Variants in TLL2 observed in about 807,000 individuals in gnomAD.
TLL2 encodes tolloid-like protein 2.
Under a neutral mutation model 123.0 loss-of-function variants are expected in TLL2, and 106 were observed. The ratio of observed to expected loss-of-function variants is 0.86; its 90% CI spans 0.74 to 1.01. TLL2 has a LOEUF of 1.01. TLL2 is among the 50% of genes least tolerant of loss of function. The pLI, the probability that TLL2 is intolerant of heterozygous loss-of-function variation, is 0.00. For synonymous variants in TLL2, 494 were observed against 516.8 expected (o/e 0.96, Z 0.60); for missense variants, 1,332 against 1,336.7 (o/e 1.00, Z 0.06).
chr10:96,368,083 CA>C lies in TLL2; in HGVS notation c.*4del. 1 of 1,613,792 alleles carries C rather than the reference CA, an allele frequency of 6.2e-7. No homozygotes were observed. The highest frequency in any genetic ancestry group is 8.5e-7 in the Non-Finnish European group (1 of 1,179,928). ...CTCAGTTTCTGTCTTTCAAGAACAT[CA>C]GCACTATTTCTTCATGTGCAGGGCA... is the stretch of plus-strand genomic sequence containing the variant. On this transcript the variant is annotated 3_prime_UTR_variant, in exon 21 of 21. Transcript: ENST00000357947.
intron 2 of TLL2, among the ~76,000 whole-genome samples, chr10:96,463,490 T>G (rs1024463741): frequency 6.6e-6 from 1 of 152,188 alleles, no homozygotes; most frequent in Non-Finnish European, 1.5e-5. Flanking sequence ...CAGGGACTCC[T>G]CTGGGTCTCC....
At chr10:96,409,405 G>A (rs1245317636) in intron 9 of TLL2, among the ~76,000 whole-genome samples, 1 of 152,190 alleles carries the variant, frequency 6.6e-6, no homozygotes, top group Non-Finnish European at 1.5e-5. Context: ...CCTAGACCTA[G>A]GGAACAGGGT....
rs1162129434 is a variant in TLL2, at chr10:96,364,890, C to A, written c.*3198G>T. 1 of 152,222 alleles carries A rather than the reference C, an allele frequency of 6.6e-6. No homozygotes were observed. The highest frequency in any genetic ancestry group is 1.5e-5 in the Non-Finnish European group (1 of 68,028). 9.4% of individuals were successfully genotyped at this position (152,222 alleles called of 1,614,324 possible). A position where few individuals can be genotyped will look rare whatever the true frequency, so the allele number is the denominator to read the frequency against. On this transcript the variant is annotated 3_prime_UTR_variant, in exon 21 of 21. Coordinates refer to ENST00000357947, the MANE Select transcript of TLL2 (RefSeq NM_012465.4). ...GTTCACAAATGGAACGCTAACAATACCAATCTGAAAGCTATCAAAGGGACC... is the reference window on the plus strand; with the variant it reads ...GTTCACAAATGGAACGCTAACAATAACAATCTGAAAGCTATCAAAGGGACC...
chr10:96,415,767 G>GTCTCTCTCTCTGTCTCTCTCTCTGTC (rs1564902749), intron 7 of TLL2, among the ~76,000 whole-genome samples: 1 of 42,942 alleles, frequency 2.3e-5, no homozygotes, highest in African/African-American at 9.7e-5. Context: ...CTCTCTCTCT[G>GTCTCTCTCTCTGTCTCTCTCTCTGTC]TCTCTCTCAA....
intron 5 of TLL2, among the ~76,000 whole-genome samples, chr10:96,426,417 C>T (rs1378390670): frequency 6.6e-6 from 1 of 152,128 alleles, no homozygotes; most frequent in Non-Finnish European, 1.5e-5. Flanking sequence ...AATGCCATAA[C>T]AGTTCCTCAA....
intron 9 of TLL2, among the ~76,000 whole-genome samples, chr10:96,409,535 T>C (rs1289347472): frequency 6.6e-6 from 1 of 152,222 alleles, no homozygotes; most frequent in Non-Finnish European, 1.5e-5. Context: ...TCTAGTTCTA[T>C]ATCTTACCTT....
At chr10:96,508,160 C>T (rs1047902477) in intron 1 of TLL2, among the ~76,000 whole-genome samples, 1 of 152,122 alleles carries the variant, frequency 6.6e-6, no homozygotes, top group Admixed American at 6.6e-5. Flanking sequence ...CCAGGATGCC[C>T]GCCCTGCCAT....
rs529254298 is a variant in TLL2 at position 96,513,880 on chromosome 10, C to G, written c.-195G>C. On this transcript the variant is annotated 5_prime_UTR_variant, in exon 1 of 21. Transcript: ENST00000357947. Reference sequence around the variant, plus strand: ...CGTCGAGGCAACCGGGAAGCAGCCGCTCGGAGCTACTTGCCCGGCGGCCGA... The same window carrying G: ...CGTCGAGGCAACCGGGAAGCAGCCGGTCGGAGCTACTTGCCCGGCGGCCGA... The G allele has an allele frequency of 1.4e-4, 78 of 571,932 alleles. No individual in the cohort carries two copies. The East Asian group carries it at 2.7e-3, about 20-fold the overall frequency. The allele number at this position is 571,932 out of a possible 1,614,324, so 35.4% of individuals were successfully genotyped here.
intron 3 of TLL2, among the ~76,000 whole-genome samples, chr10:96,434,757 T>A (rs986671902): frequency 6.6e-6 from 1 of 152,228 alleles, no homozygotes; most frequent in African/African-American, 2.4e-5. Context: ...TTTGAGAAAC[T>A]ACCAGACTGT....
rs1846214753 is a variant in TLL2, at chr10:96,384,655, T to G, written c.2126A>C (p.Asn709Thr). The G allele has an allele frequency of 6.2e-7, 1 of 1,612,794 alleles. No individual in the cohort carries two copies. The highest frequency in any genetic ancestry group is 1.3e-5 in the African/African-American group (1 of 75,004). Reference protein sequence around the residue: ...TPEVITSQSNNMRVEFKSDNT... With the variant: ...TPEVITSQSNTMRVEFKSDNT... ...GTCGGACTTGAACTCCACGCGCATGTTGTTGCTCTGCGAGGTGATGACCTC... is the reference window on the plus strand; with the variant it reads ...GTCGGACTTGAACTCCACGCGCATGGTGTTGCTCTGCGAGGTGATGACCTC... Residue 709 changes from asparagine (N) to threonine (T), a missense_variant, in exon 16 of 21, where the codon AAC becomes ACC. Coordinates refer to ENST00000357947, the MANE Select transcript of TLL2 (RefSeq NM_012465.4).
intron 2 of TLL2, among the ~76,000 whole-genome samples, chr10:96,473,367 A>G (rs1257053758): frequency 6.6e-6 from 1 of 152,124 alleles, no homozygotes; most frequent in Non-Finnish European, 1.5e-5. Flanking sequence ...AGGCAGGAGA[A>G]TTGCTTGAAC....
At position 96,401,770 on chromosome 10, in the gene TLL2, G is replaced by A. The variant is rs144442338; in HGVS notation, c.1267+3462C>T. On this transcript the variant is annotated intron_variant, in intron 10 of 20. Coordinates refer to ENST00000357947, the MANE Select transcript of TLL2 (RefSeq NM_012465.4). ...TCAGGAACGTGCCTTGGCCCTCTCT[G>A]GGGAACTTCAGTAACAGACAGCTTC... 4.2e-3 allele frequency among the ~76,000 whole-genome samples: 639 copies of A among 152,264 alleles called. 10 individuals carry two copies. Among genetic ancestry groups the A allele is most frequent in the Admixed American group, 0.039 (590 of 15,302 alleles).
intron 1 of TLL2, among the ~76,000 whole-genome samples, chr10:96,512,385 G>A (rs1847640051): frequency 6.6e-6 from 1 of 152,242 alleles, no homozygotes; most frequent in Non-Finnish European, 1.5e-5. Context: ...CCAATTTAGA[G>A]ATGAGTAACC....
intron 1 of TLL2, among the ~76,000 whole-genome samples, chr10:96,494,544 T>A (rs1589436364): frequency 6.6e-6 from 1 of 152,260 alleles, no homozygotes; most frequent in African/African-American, 2.4e-5. Context: ...GGACACTTCC[T>A]GATTTTCATT....
rs1846104946 is a variant in TLL2 at position 96,373,610 on chromosome 10, G to T, written c.2648C>A (p.Ala883Glu). 2 of 1,614,066 alleles carry T rather than the reference G, an allele frequency of 1.2e-6. No homozygotes were observed. The highest frequency in any genetic ancestry group is 2.2e-5 in the South Asian group (2 of 91,066). Residue 883 changes from alanine (A) to glutamate (E), a missense_variant, in exon 19 of 21, where the codon GCA (alanine) becomes GAA (glutamate). Physicochemically the swap from Ala to Glu is moderately radical, Grantham distance 107. Transcript: ENST00000357947. ...ACCCCAGGTACCTGTGCTGTGCACTGCCTGGAAGCCTTTCCTCTGCACTGA... is the reference window on the plus strand; with the variant it reads ...ACCCCAGGTACCTGTGCTGTGCACTTCCTGGAAGCCTTTCCTCTGCACTGA... The part of the protein sequence containing the change: ...DASVQRKGFQ[A>E]VHSTECGGRL...
chr10:96,466,029 AC>A (rs1201569484), intron 2 of TLL2, among the ~76,000 whole-genome samples: 1 of 152,244 alleles, frequency 6.6e-6, no homozygotes, highest in Non-Finnish European at 1.5e-5. Flanking sequence ...GGTTGACCAC[AC>A]AGGACCTCTC....
At chr10:96,402,180 C>T (rs550137234) in intron 10 of TLL2, among the ~76,000 whole-genome samples, 15 of 152,278 alleles carry the variant, frequency 9.9e-5, no homozygotes, top group Admixed American at 4.6e-4. Flanking sequence ...TGAATGTGTT[C>T]TTACAAAAGA....
At chr10:96,395,085 C>T (rs1369733377) in intron 13 of TLL2, 102 bp downstream of exon 13, 2 of 1,272,710 alleles carry the variant, frequency 1.6e-6, no homozygotes, top group Non-Finnish European at 2.2e-6. Flanking sequence ...TGCAGGGAGC[C>T]TTGTTTGGTG....
intron 16 of TLL2, among the ~76,000 whole-genome samples, chr10:96,383,430 A>G (rs1846203261): frequency 6.6e-6 from 1 of 151,916 alleles, no homozygotes; most frequent in Non-Finnish European, 1.5e-5. Context: ...TTTCCCCCAT[A>G]CTGTTCTTGT....
Sources: gnomAD v4.1 joint callset for allele counts (sites outside exome capture counted in the v4.1 genomes callset) on GRCh38, gnomAD v4.1.1 for gene constraint, MANE v1.5 for transcripts, NCBI Gene and HGNC (gene_info 2026-07-23, HGNC 2026-07-21) for gene names.